Variants in TRIM28 observed in about 807,000 individuals in gnomAD.
TRIM28 encodes the protein tripartite motif containing 28, also known as transcription intermediary factor 1-beta.
In TRIM28, 8 loss-of-function variants were observed where a neutral mutation model predicts 87.4. The observed-to-expected ratio is 0.09, with a 90% CI of 0.05 to 0.17. The LOEUF (loss-of-function observed/expected upper bound fraction) is 0.17. TRIM28 is among the 10% of genes least tolerant of loss of function. The pLI, the probability that TRIM28 is intolerant of heterozygous loss-of-function variation, is 1.00. For synonymous variants in TRIM28, 601 were observed against 454.3 expected (o/e 1.32, Z -4.11); for missense variants, 968 against 1,131.8 (o/e 0.86, Z 2.08).
At chr19:58,547,316 T>A in intron 3 of TRIM28, 60 bp from the exon 4 acceptor site, 1 of 1,592,906 alleles carries the variant, frequency 6.3e-7, no homozygotes, top group South Asian at 1.1e-5. Flanking sequence ...CAACTCATTC[T>A]GCTTCCTGAG....
At position 58,548,557 on chromosome 19, in the gene TRIM28, G is replaced by C; in HGVS notation, c.1288G>C (p.Gly430Arg). 6.2e-7 allele frequency: 1 copy of C among 1,613,832 alleles called. No individual in the cohort carries two copies. The highest frequency in any genetic ancestry group is 2.2e-5 in the East Asian group (1 of 44,872). ...ACCCATGGCCCCTCCAAGAGCCCCA[G>C]GGCCCCTGAGCAAGCAGGGCTCTGG... ...PAPMAPPRAP[G>R]PLSKQGSGSS... The change falls in exon 9 of 17, where the codon GGG (glycine) becomes CGG (arginine). Residue 430 changes from glycine (G) to arginine (R), a missense_variant. Gly to Arg is a moderately radical substitution (Grantham distance 125). Around this residue, in one of 11 missense-constraint regions of TRIM28, gnomAD observed 119 missense variants for 93.6 expected, o/e 1.27. Coordinates refer to ENST00000253024, the MANE Select transcript of TRIM28 (RefSeq NM_005762.3).
At position 58,549,977 on chromosome 19, in the gene TRIM28, T is replaced by C; in HGVS notation, c.2135T>C (p.Phe712Ser). 1 of 1,613,910 alleles carries C rather than the reference T, an allele frequency of 6.2e-7. No homozygotes were observed. The highest frequency in any genetic ancestry group is 1.6e-4 in the Middle Eastern group (1 of 6,062). ...RKCERVLLALFCHEPCRPLHQ... is the reference protein window; with the variant it reads ...RKCERVLLALSCHEPCRPLHQ... ...TGTGAGCGTGTACTGCTGGCCCTAT[T>C]CTGTCACGAACCCTGCCGCCCCCTG... Residue 712 changes from phenylalanine to serine, a missense_variant, in exon 15 of 17, where the codon TTC becomes TCC. By Grantham distance (155) the Phe-to-Ser change is radical. Around this residue, in one of 11 missense-constraint regions of TRIM28, gnomAD observed 192 missense variants for 225.6 expected, o/e 0.85. Coordinates refer to ENST00000253024, the MANE Select transcript of TRIM28 (RefSeq NM_005762.3). The surrounding 1 kb of genome is among the most constrained non-coding windows in gnomAD (Gnocchi z 4.4).
At position 58,547,379 on chromosome 19, in the gene TRIM28, C is replaced by T. The variant is rs1327520711; in HGVS notation, c.590C>T (p.Pro197Leu). The T allele has an allele frequency of 1.9e-6, 3 of 1,613,604 alleles. No individual in the cohort carries two copies. The highest frequency in any genetic ancestry group is 2.2e-5 in the East Asian group (1 of 44,866). The change falls in exon 4 of 17, where the codon CCA (proline) becomes CTA (leucine). Residue 197 changes from proline (P) to leucine (L), a missense_variant. Physicochemically the swap from Pro to Leu is moderately conservative, Grantham distance 98 (BLOSUM62 -3). Coordinates refer to ENST00000253024, the MANE Select transcript of TRIM28 (RefSeq NM_005762.3). Reference protein sequence around the residue: ...TKDHTVRSTGPAKSRDGERTV... With the variant: ...TKDHTVRSTGLAKSRDGERTV... ...CCTTATGATTCCCACTCCCCAGGGC[C>T]AGCCAAGTCTCGGGATGGTGAACGT...
chr19:58,545,400 T>A, intron 1 of TRIM28, 25 bp from the exon 2 acceptor site: 5 of 1,566,180 alleles, frequency 3.2e-6, no homozygotes, highest in Non-Finnish European at 4.4e-6. Context: ...CTTGTAACAG[T>A]CTCCCACATC....
rs1295062723 is a variant in TRIM28 at position 58,544,759 on chromosome 19, T to TGGCGGCCTCCGCGGC, written c.6_20dup (p.Ala12_Ala16dup). On this transcript the variant is annotated inframe_insertion, in exon 1 of 17. Coordinates refer to ENST00000253024, the MANE Select transcript of TRIM28 (RefSeq NM_005762.3). ...CTGGGCGCCCCCGGCGGCGTGTGAA[T>TGGCGGCCTCCGCGGC]GGCGGCCTCCGCGGCGGCAGCCTCG... The TGGCGGCCTCCGCGGC allele has an allele frequency of 8.9e-7, 1 of 1,117,662 alleles. No individual in the cohort carries two copies. Among genetic ancestry groups the TGGCGGCCTCCGCGGC allele is most frequent in the African/African-American group, 1.7e-5 (1 of 59,840 alleles). The allele number at this position is 1,117,662 out of a possible 1,614,324, so 69.2% of individuals were successfully genotyped here. A position where few individuals can be genotyped will look rare whatever the true frequency, so the allele number is the denominator to read the frequency against.
At position 58,549,915 on chromosome 19, in the gene TRIM28, C is replaced by G. The variant is rs1280001089; in HGVS notation, c.2107-34C>G. 11 of 1,613,904 alleles carry G rather than the reference C, an allele frequency of 6.8e-6. No homozygotes were observed. The highest frequency in any genetic ancestry group is 5.0e-5 in the Admixed American group (3 of 59,970). The stretch of plus-strand genomic sequence containing the variant: ...GCCCAGAGAGGCTTTATAGGTGCTG[C>G]CCAGAGCTGTGACATCCCTTACAAT... On this transcript the variant is annotated intron_variant, in intron 14 of 16. Coordinates refer to ENST00000253024, the MANE Select transcript of TRIM28 (RefSeq NM_005762.3). The surrounding 1 kb of genome is among the most constrained non-coding windows in gnomAD (Gnocchi z 4.4).
rs1467780302 is a variant in TRIM28, at chr19:58,547,913, C to T, written c.954+7C>T. On this transcript the variant is annotated splice_region_variant and intron_variant, in intron 6 of 16. Coordinates refer to ENST00000253024, the MANE Select transcript of TRIM28 (RefSeq NM_005762.3). ...GCTGGTCAATGATGCCCAGGTAAGC[C>T]TTGTGCCGGTGAGAAGGGTCCCTGA... The T allele has an allele frequency of 1.9e-6, 3 of 1,613,958 alleles. No individual in the cohort carries two copies. The highest frequency in any genetic ancestry group is 1.6e-4 in the Middle Eastern group (1 of 6,084).
At position 58,550,660 on chromosome 19, in the gene TRIM28, C is replaced by A. The variant is rs2053809970; in HGVS notation, c.*107C>A. On this transcript the variant is annotated 3_prime_UTR_variant, in exon 17 of 17. Transcript: ENST00000253024. Reference sequence around the variant, plus strand: ...CCCACTCCCTGGTGGCCCCATCCCCCAGTTCCTCACGATATGGTTTTTACT... The same window carrying A: ...CCCACTCCCTGGTGGCCCCATCCCCAAGTTCCTCACGATATGGTTTTTACT... 7 of 1,108,956 alleles carry A rather than the reference C, an allele frequency of 6.3e-6. No individual in the cohort carries two copies. In the Admixed American group the frequency reaches 1.9e-4, roughly 30 times the overall value. 68.7% of individuals were successfully genotyped at this position (1,108,956 alleles called of 1,614,324 possible). A position where few individuals can be genotyped will look rare whatever the true frequency, so the allele number is the denominator to read the frequency against.
Position 58,544,778 on chromosome 19 carries a change from AGCCTCGGCAGCAGCGGCCTCGGCC to A in TRIM28, c.27_50del (p.Ala10_Ser17del). ...TGTGAATGGCGGCCTCCGCGGCGGC[AGCCTCGGCAGCAGCGGCCTCGGCC>A]GCCTCTGGCAGCCCGGGCCCGGGCG... is the stretch of plus-strand genomic sequence containing the variant. On this transcript the variant is annotated inframe_deletion, in exon 1 of 17. Transcript: ENST00000253024. The A allele has an allele frequency of 3.4e-6, 4 of 1,160,422 alleles. No individual in the cohort carries two copies. Among genetic ancestry groups the A allele is most frequent in the Non-Finnish European group, 4.2e-6 (4 of 943,772 alleles). The allele number at this position is 1,160,422 out of a possible 1,614,324, so 71.9% of individuals were successfully genotyped here.
At position 58,545,894 on chromosome 19, in the gene TRIM28, C is replaced by T. The variant is rs773387459; in HGVS notation, c.584C>T (p.Thr195Ile). 6.3e-7 allele frequency: 1 copy of T among 1,588,930 alleles called. No individual in the cohort carries two copies. The highest frequency in any genetic ancestry group is 8.6e-7 in the Non-Finnish European group (1 of 1,160,812). ...KYTKDHTVRS[T>I]GPAKSRDGER... ...ACCAAGGACCATACTGTGCGCTCTA[C>T]TGGTACATGAGGCTGAGGGGGGCTG... The change falls in exon 3 of 17, where the codon ACT becomes ATT. Residue 195 changes from threonine to isoleucine, a missense_variant and splice_region_variant. Physicochemically the swap from Thr to Ile is moderately conservative, Grantham distance 89. Around this residue, in one of 11 missense-constraint regions of TRIM28, gnomAD observed 103 missense variants for 139.0 expected, o/e 0.74. Transcript: ENST00000253024.
rs755630551 is a variant in TRIM28 at position 58,548,281 on chromosome 19, C to G, written c.1102-13C>G. ...GGTGTGCTCATTCTTTCCTCCCTTT[C>G]ACTCCCAACCAGATCTACTTCCAGC... On this transcript the variant is annotated splice_polypyrimidine_tract_variant and intron_variant, in intron 7 of 16. Transcript: ENST00000253024. The G allele has an allele frequency of 1.2e-6, 2 of 1,614,006 alleles. No homozygotes were observed. The highest frequency in any genetic ancestry group is 3.3e-5 in the Admixed American group (2 of 60,020).
At chr19:58,545,974 C>G in intron 3 of TRIM28, 78 bp downstream of exon 3, 8 of 1,491,940 alleles carry the variant, frequency 5.4e-6, no homozygotes, top group Non-Finnish European at 6.3e-6. Context: ...TTGGTTGCAT[C>G]TGGTGGATGG....
rs775005853 is a variant in TRIM28 at position 58,549,496 on chromosome 19, G to A, written c.1828G>A (p.Gly610Ser). The change falls in exon 13 of 17, where the codon GGT becomes AGT. Residue 610 changes from glycine to serine, a missense_variant. By Grantham distance (56) the Gly-to-Ser change is moderately conservative. Around this residue, in one of 11 missense-constraint regions of TRIM28, gnomAD observed 164 missense variants for 146.2 expected, o/e 1.12. Coordinates refer to ENST00000253024, the MANE Select transcript of TRIM28 (RefSeq NM_005762.3). This position sits in a 1 kb window ranked among gnomAD's most constrained non-coding sequence, Gnocchi z 4.4. ...SSGLEVVAPE[G>S]TSAPGGGPGT... ...AGGGCTGGAGGTGGTGGCTCCTGAG[G>A]GTACCTCAGCCCCAGGTGGTGGCCC... is the stretch of plus-strand genomic sequence containing the variant. 3.7e-6 allele frequency: 6 copies of A among 1,613,702 alleles called. No individual in the cohort carries two copies. The South Asian group carries it at 5.5e-5, about 15-fold the overall frequency.
Position 58,544,849 on chromosome 19 carries a change from A to G in TRIM28, c.92A>G (p.Lys31Arg). ...GGCGAGGGCTCCGCTGGCGGCGAAA[A>G]GCGCTCCACCGCCCCTTCGGCCGCA... The part of the protein sequence containing the change: ...GPGEGSAGGE[K>R]RSTAPSAAAS... Residue 31 changes from lysine (K) to arginine (R), a missense_variant, in exon 1 of 17, where the codon AAG becomes AGG. By Grantham distance (26) the Lys-to-Arg change is conservative. Coordinates refer to ENST00000253024, the MANE Select transcript of TRIM28 (RefSeq NM_005762.3). 7.8e-7 allele frequency: 1 copy of G among 1,284,980 alleles called. No individual in the cohort carries two copies. The highest frequency in any genetic ancestry group is 3.9e-5 in the Admixed American group (1 of 25,664). 79.6% of individuals were successfully genotyped at this position (1,284,980 alleles called of 1,614,324 possible).
intron 16 of TRIM28, 46 bp from the exon 17 acceptor site, chr19:58,550,331 G>A: frequency 6.2e-7 from 1 of 1,613,408 alleles, no homozygotes; most frequent in Non-Finnish European, 8.5e-7. Flanking sequence ...AGATGTGAAG[G>A]AAAGAACTAG....
In TRIM28 at chr19:58,545,017, C is replaced by A; in HGVS notation, c.260C>A (p.Ala87Asp). The change falls in exon 1 of 17, where the codon GCC (alanine) becomes GAC (aspartate). Residue 87 changes from alanine (A) to aspartate (D), a missense_variant. Coordinates refer to ENST00000253024, the MANE Select transcript of TRIM28 (RefSeq NM_005762.3). ...CGCCTGCTGCCCTGTTTGCACTCGG[C>A]CTGTAGTGCCTGCTTAGGGCCCGCG... ...EPRLLPCLHS[A>D]CSACLGPAAP... is the part of the protein sequence containing the mutation. The A allele has an allele frequency of 6.7e-7, 1 of 1,496,814 alleles. No homozygotes were observed. The allele number at this position is 1,496,814 out of a possible 1,614,324, so 92.7% of individuals were successfully genotyped here.
At chr19:58,545,559 A>C in intron 2 of TRIM28, 22 bp downstream of exon 2, 2 of 1,580,482 alleles carry the variant, frequency 1.3e-6, no homozygotes, top group Non-Finnish European at 1.7e-6. Context: ...CTCAGCAACC[A>C]CAAGGAGGTT....
chr19:58,546,513 C>G (rs1052256821), intron 3 of TRIM28, among the ~76,000 whole-genome samples: 1 of 152,156 alleles, frequency 6.6e-6, no homozygotes, highest in African/African-American at 2.4e-5. Flanking sequence ...TTCTTCCCAT[C>G]CCAGAGGACA....
chr19:58,546,899 C>T (rs542133417), intron 3 of TRIM28, among the ~76,000 whole-genome samples: 7 of 152,154 alleles, frequency 4.6e-5, no homozygotes, highest in East Asian at 1.9e-4. Context: ...TACAAGGTTT[C>T]CTCTGGGCCC....
Sources: gnomAD v4.1 joint callset for allele counts (sites outside exome capture counted in the v4.1 genomes callset) on GRCh38, gnomAD v4.1.1 for gene constraint, gnomAD v4.1.1 regional missense constraint, Gnocchi (gnomAD v3.1) non-coding constraint, MANE v1.5 for transcripts, NCBI Gene and HGNC (gene_info 2026-07-23, HGNC 2026-07-21) for gene names.